DNAJC3: variants seen among roughly 807,000 people sequenced by gnomAD.
DNAJC3 encodes DnaJ heat shock protein family (Hsp40) member C3.
A neutral mutation model predicts 68.6 loss-of-function variants in DNAJC3; 38 were observed. The observed-to-expected ratio is 0.55, with a 90% CI of 0.43 to 0.73. The LOEUF (loss-of-function observed/expected upper bound fraction) is 0.73, where lower values mean the gene tolerates loss of function less well. DNAJC3 is among the 30% of genes least tolerant of loss of function. The pLI, the probability that DNAJC3 is intolerant of heterozygous loss-of-function variation, is 0.00. For missense variants in DNAJC3, 526 were observed against 591.9 expected, an observed-to-expected ratio of 0.89 and a Z score of 1.16; for synonymous variants, 203 against 204.0, an observed-to-expected ratio of 1.00 and a Z score of 0.04.
chr13:95,688,963 T>C (rs971821387), intron 1 of DNAJC3, among the ~76,000 whole-genome samples: 372 of 143,414 alleles, frequency 2.6e-3, no homozygotes, highest in African/African-American at 8.0e-3. Flanking sequence ...TGTGTGTGTG[T>C]GTGCGCGCTG....
At chr13:95,744,938 A>G (rs1485132265) in intron 4 of DNAJC3, 1 of 152,184 alleles carries the variant, frequency 6.6e-6, no homozygotes, top group African/African-American at 2.4e-5. Context: ...CTTAAAGGAA[A>G]TGTTTTCAGT....
At chr13:95,750,468 A>G (rs973956989) in intron 4 of DNAJC3, among the ~76,000 whole-genome samples, 1 of 151,940 alleles carries the variant, frequency 6.6e-6, no homozygotes, top group East Asian at 1.9e-4. Context: ...TAGAGACCTT[A>G]GTTTGAATTT....
At chr13:95,712,374 C>CTTTTTTTTT (rs71113952) in intron 2 of DNAJC3, among the ~76,000 whole-genome samples, 1 of 135,224 alleles carries the variant, frequency 7.4e-6, no homozygotes. Flanking sequence ...ATGCTTTTTT[C>CTTTTTTTTT]TTTTTTTTTT....
At chr13:95,753,528 T>G (rs892248915) in intron 4 of DNAJC3, among the ~76,000 whole-genome samples, 10 of 152,190 alleles carry the variant, frequency 6.6e-5, no homozygotes, top group African/African-American at 2.4e-4. Context: ...TCCCAAAACA[T>G]TAATTAAATA....
intron 1 of DNAJC3, among the ~76,000 whole-genome samples, chr13:95,708,148 A>G (rs1880821601): frequency 1.3e-5 from 2 of 152,172 alleles, no homozygotes; most frequent in African/African-American, 4.8e-5. Context: ...AGAAGACAGT[A>G]AAATGCACCA....
chr13:95,775,785 A>G (rs1205324428), intron 9 of DNAJC3, among the ~76,000 whole-genome samples: 1 of 152,180 alleles, frequency 6.6e-6, no homozygotes, highest in African/African-American at 2.4e-5. Context: ...AGGGTCAGAT[A>G]CATGGAGTCT....
intron 4 of DNAJC3, among the ~76,000 whole-genome samples, chr13:95,728,548 T>G (rs1052975077): frequency 7.9e-5 from 12 of 152,240 alleles, no homozygotes; most frequent in African/African-American, 2.9e-4. Context: ...GTGTTTTAAA[T>G]GTCCTTTATA....
In DNAJC3 at chr13:95,785,946, G is replaced by A; in HGVS notation, c.1083G>A (p.Gln361=). 6.3e-7 allele frequency: 1 copy of A among 1,594,580 alleles called. No homozygotes were observed. Among genetic ancestry groups the A allele is most frequent in the Non-Finnish European group, 8.5e-7 (1 of 1,173,806 alleles). Reference sequence around the variant, plus strand: ...TTAAACATATTTTGACAGCTATTCAGGATTATGAAACTGCTCAGGAACACA... The same window carrying A: ...TTAAACATATTTTGACAGCTATTCAAGATTATGAAACTGCTCAGGAACACA... ...LIEEMYDEAI[Q]DYETAQEHNE... Residue 361 remains glutamine, a synonymous_variant, in exon 10 of 12, where the codon CAG becomes CAA. Coordinates refer to ENST00000602402, the MANE Select transcript of DNAJC3 (RefSeq NM_006260.5).
At chr13:95,701,785 A>C (rs1311166596) in intron 1 of DNAJC3, among the ~76,000 whole-genome samples, 1 of 152,238 alleles carries the variant, frequency 6.6e-6, no homozygotes, top group African/African-American at 2.4e-5. Context: ...ACAAGTTTAA[A>C]TTTTATTTAA....
At chr13:95,743,021 T>C (rs757304960) in intron 4 of DNAJC3, 1 of 371,498 alleles carries the variant, frequency 2.7e-6, no homozygotes, top group Non-Finnish European at 5.2e-6. Flanking sequence ...TTCAGCACCA[T>C]ATTTTGAAAA....
At chr13:95,781,633 G>A (rs1883457290) in intron 9 of DNAJC3, among the ~76,000 whole-genome samples, 1 of 152,172 alleles carries the variant, frequency 6.6e-6, no homozygotes, top group Admixed American at 6.5e-5. Flanking sequence ...TCAAGAATGT[G>A]AAGGGAATAT....
intron 10 of DNAJC3, 78 bp from the exon 11 acceptor site, chr13:95,786,929 T>C: frequency 6.6e-7 from 1 of 1,514,388 alleles, no homozygotes. Flanking sequence ...CAGTAGGATC[T>C]TAATCAGCTC....
At chr13:95,763,176 C>T (rs1031596025) in intron 7 of DNAJC3, among the ~76,000 whole-genome samples, 4 of 152,148 alleles carry the variant, frequency 2.6e-5, no homozygotes, top group East Asian at 1.9e-4. Flanking sequence ...GTGTGAACTA[C>T]GTTGTACTTT....
At chr13:95,752,109 A>G (rs1882498752) in intron 4 of DNAJC3, among the ~76,000 whole-genome samples, 1 of 152,186 alleles carries the variant, frequency 6.6e-6, no homozygotes, top group African/African-American at 2.4e-5. Flanking sequence ...TTCATTAGTT[A>G]TGAATTAATC....
intron 4 of DNAJC3, among the ~76,000 whole-genome samples, chr13:95,740,002 C>T (rs1882071407): frequency 6.6e-6 from 1 of 152,026 alleles, no homozygotes; most frequent in Non-Finnish European, 1.5e-5. Context: ...TGTGGATGTC[C>T]TTTCTGTTTG....
chr13:95,715,108 G>T (rs1411919485), intron 2 of DNAJC3, among the ~76,000 whole-genome samples: 1 of 152,198 alleles, frequency 6.6e-6, no homozygotes, highest in African/African-American at 2.4e-5. Flanking sequence ...TGAATAACAG[G>T]CAGTGTGGTG....
In DNAJC3 at chr13:95,792,745, C is replaced by T. The variant is rs760423264; in HGVS notation, c.*1715C>T. On this transcript the variant is annotated 3_prime_UTR_variant, in exon 12 of 12. Coordinates refer to ENST00000602402, the MANE Select transcript of DNAJC3 (RefSeq NM_006260.5). ...TTTGCTTTAATGTTTCAATTCAAGC[C>T]GGTGTAAAAATAATTTCCAAGGCAT... The T allele has an allele frequency of 4.6e-5, 7 of 152,126 alleles. No homozygotes were observed. Among genetic ancestry groups the T allele is most frequent in the South Asian group, 2.1e-4 (1 of 4,818 alleles). The allele number at this position is 152,126 out of a possible 1,614,324, so 9.4% of individuals were successfully genotyped here.
intron 9 of DNAJC3, among the ~76,000 whole-genome samples, chr13:95,782,570 T>C (rs377025650): frequency 6.6e-6 from 1 of 152,242 alleles, no homozygotes; most frequent in African/African-American, 2.4e-5. Context: ...ATGAGCTTTT[T>C]TTCATATGTC....
chr13:95,741,604 C>T (rs1203181231), intron 4 of DNAJC3, among the ~76,000 whole-genome samples: 2 of 152,028 alleles, frequency 1.3e-5, no homozygotes, highest in African/African-American at 2.4e-5. Context: ...TGGGTGGGTC[C>T]GTGGGTCCCT....
Sources: allele counts gnomAD v4.1 joint callset (sites outside exome capture counted in the v4.1 genomes callset), GRCh38; gene constraint gnomAD v4.1.1; transcripts MANE v1.5; gene names NCBI Gene and HGNC (gene_info 2026-07-23, HGNC 2026-07-21).